The following PPP2R5E variants were observed in gnomAD, a reference collection of about 807,000 sequenced individuals.
PPP2R5E encodes the protein protein phosphatase 2 regulatory subunit B'epsilon, also known as serine/threonine-protein phosphatase 2A 56 kDa regulatory subunit epsilon isoform.
Under a neutral mutation model 65.3 loss-of-function variants are expected in PPP2R5E, and 4 were observed. The ratio of observed to expected loss-of-function variants is 0.06; its 90% CI spans 0.03 to 0.14. The LOEUF (loss-of-function observed/expected upper bound fraction) is 0.14. Ranked by LOEUF, PPP2R5E falls within the 10% of genes least tolerant of loss-of-function variation. The pLI is 1.00. For synonymous variants in PPP2R5E, 183 were observed against 187.4 expected, an observed-to-expected ratio of 0.98 and a Z score of 0.19; for missense variants, 274 against 556.1, an observed-to-expected ratio of 0.49 and a Z score of 5.10.
At chr14:63,522,100 C>A (rs1208175173) in intron 2 of PPP2R5E, among the ~76,000 whole-genome samples, 1 of 151,936 alleles carries the variant, frequency 6.6e-6, no homozygotes, top group Non-Finnish European at 1.5e-5. Context: ...CGCGCCGCCA[C>A]GCCTGACTGG....
At chr14:63,383,823 T>A (rs2139752464) in intron 12 of PPP2R5E, among the ~76,000 whole-genome samples, 1 of 152,228 alleles carries the variant, frequency 6.6e-6, no homozygotes, top group East Asian at 1.9e-4. Flanking sequence ...TTCCAAGAGA[T>A]ACATATAGCG....
chr14:63,466,500 C>G (rs1404534697), intron 2 of PPP2R5E, among the ~76,000 whole-genome samples: 1 of 152,120 alleles, frequency 6.6e-6, no homozygotes, highest in African/African-American at 2.4e-5. Flanking sequence ...GCATGTAGTA[C>G]ACAGGCATGT....
intron 1 of PPP2R5E, among the ~76,000 whole-genome samples, chr14:63,542,048 C>T (rs1419094104): frequency 1.3e-5 from 2 of 152,358 alleles, no homozygotes; most frequent in Non-Finnish European, 1.5e-5. Flanking sequence ...CTAACTCTAA[C>T]ACTACAACAT....
chr14:63,458,101 G>A (rs558853520), intron 2 of PPP2R5E, among the ~76,000 whole-genome samples: 5 of 152,144 alleles, frequency 3.3e-5, no homozygotes, highest in Non-Finnish European at 7.4e-5. Flanking sequence ...AAATTTACGA[G>A]TGTGACATGC....
At chr14:63,396,232 G>A (rs1179138227) in intron 6 of PPP2R5E, among the ~76,000 whole-genome samples, 1 of 74,462 alleles carries the variant, frequency 1.3e-5, no homozygotes, top group African/African-American at 5.6e-5. Context: ...GGAGGAGAAG[G>A]GGGAGGAGAA....
chr14:63,391,751 C>A (rs2139780259), intron 10 of PPP2R5E, 66 bp downstream of exon 10: 1 of 1,530,196 alleles, frequency 6.5e-7, no homozygotes, highest in African/African-American at 1.4e-5. Flanking sequence ...ACATGCTTAG[C>A]CCAATCCTTG....
At chr14:63,392,307 G>A (rs1480807330) in intron 8 of PPP2R5E, among the ~76,000 whole-genome samples, 2 of 152,190 alleles carry the variant, frequency 1.3e-5, no homozygotes, top group Non-Finnish European at 2.9e-5. Flanking sequence ...ATCACATTCA[G>A]CATATTGTGG....
At chr14:63,501,307 A>T (rs2139667857) in intron 2 of PPP2R5E, among the ~76,000 whole-genome samples, 1 of 151,824 alleles carries the variant, frequency 6.6e-6, no homozygotes, top group African/African-American at 2.4e-5. Context: ...CAAGAGGCTG[A>T]GGCAGGAGAA....
intron 2 of PPP2R5E, among the ~76,000 whole-genome samples, chr14:63,519,720 G>A (rs1351213754): frequency 2.0e-5 from 3 of 150,554 alleles, no homozygotes; most frequent in Non-Finnish European, 4.4e-5. Context: ...GGAGTGCAGC[G>A]GCGCAATCTC....
At chr14:63,452,879 TC>T (rs1005815670) in intron 3 of PPP2R5E, 6 of 152,294 alleles carry the variant, frequency 3.9e-5, no homozygotes, top group Admixed American at 1.3e-4. Flanking sequence ...TGCAATGGAC[TC>T]CTCAACGATG....
At chr14:63,379,026 A>ATTTTC (rs1194675081) in intron 13 of PPP2R5E, among the ~76,000 whole-genome samples, 1 of 139,220 alleles carries the variant, frequency 7.2e-6, no homozygotes, top group Admixed American at 7.2e-5. Flanking sequence ...TTAAAAACCC[A>ATTTTC]TTTTCTTTTT....
chr14:63,541,320 T>A (rs1893897490), intron 1 of PPP2R5E, among the ~76,000 whole-genome samples: 1 of 152,202 alleles, frequency 6.6e-6, no homozygotes, highest in African/African-American at 2.4e-5. Flanking sequence ...AAACATAAAT[T>A]CACAGCCTAC....
intron 13 of PPP2R5E, among the ~76,000 whole-genome samples, chr14:63,378,583 A>G (rs1884124419): frequency 6.6e-6 from 1 of 152,206 alleles, no homozygotes; most frequent in African/African-American, 2.4e-5. Flanking sequence ...CACGGCTTTC[A>G]TACTGACAAC....
intron 8 of PPP2R5E, 114 bp downstream of exon 8, chr14:63,393,706 C>T (rs954907411): frequency 2.8e-5 from 19 of 673,726 alleles, no homozygotes; most frequent in Non-Finnish European, 3.7e-5. Context: ...AGCAAGACTC[C>T]GTCTCAAAAA....
intron 2 of PPP2R5E, among the ~76,000 whole-genome samples, chr14:63,529,785 A>G (rs1481382693): frequency 6.6e-6 from 1 of 152,188 alleles, no homozygotes; most frequent in Non-Finnish European, 1.5e-5. Context: ...GAAAAGGACC[A>G]CTTCATCTTA....
intron 13 of PPP2R5E, among the ~76,000 whole-genome samples, chr14:63,379,595 C>T (rs1884195548): frequency 6.6e-6 from 1 of 152,046 alleles, no homozygotes; most frequent in South Asian, 2.1e-4. Context: ...TAAGAAAGTA[C>T]ACTCATTATA....
At chr14:63,529,965 A>T (rs1365667618) in intron 2 of PPP2R5E, among the ~76,000 whole-genome samples, 2 of 152,202 alleles carry the variant, frequency 1.3e-5, no homozygotes, top group Non-Finnish European at 2.9e-5. Context: ...CAGAGCAGCT[A>T]ACACGATACT....
intron 10 of PPP2R5E, among the ~76,000 whole-genome samples, chr14:63,390,335 C>T (rs1026996686): frequency 4.0e-5 from 6 of 151,018 alleles, no homozygotes; most frequent in Non-Finnish European, 5.9e-5. Flanking sequence ...CACACACACA[C>T]GCTTGCTCTC....
At chr14:63,444,083 T>C (rs1002801212) in intron 3 of PPP2R5E, among the ~76,000 whole-genome samples, 3 of 152,174 alleles carry the variant, frequency 2.0e-5, no homozygotes, top group African/African-American at 7.2e-5. Context: ...CACTTATCCA[T>C]CCATTGTCTG....
Sources: gnomAD v4.1 joint callset for allele counts (sites outside exome capture counted in the v4.1 genomes callset) on GRCh38, gnomAD v4.1.1 for gene constraint, MANE v1.5 for transcripts, NCBI Gene and HGNC (gene_info 2026-07-23, HGNC 2026-07-21) for gene names.